Variants in CACNA2D3 observed in about 807,000 individuals in gnomAD.
The protein encoded by CACNA2D3 is calcium voltage-gated channel auxiliary subunit alpha2delta 3.
In CACNA2D3, 60 loss-of-function variants were observed where a neutral mutation model predicts 160.6. That is an observed-to-expected ratio of 0.37 (90% CI 0.30 to 0.46). The LOEUF (loss-of-function observed/expected upper bound fraction) is 0.46, where lower values mean the gene tolerates loss of function less well. CACNA2D3 is among the 20% of genes least tolerant of loss of function. The pLI is 1.00. For synonymous variants in CACNA2D3, 558 were observed against 492.9 expected (o/e 1.13, Z -1.75); for missense variants, 1,205 against 1,365.0 (o/e 0.88, Z 1.85).
chr3:54,670,780 G>C (rs1575415811), intron 11 of CACNA2D3, among the ~76,000 whole-genome samples: 1 of 152,130 alleles, frequency 6.6e-6, no homozygotes, highest in East Asian at 1.9e-4. Flanking sequence ...CACACCCTCA[G>C]CCTGGGGTGT....
chr3:54,703,462 T>A (rs1385863437), intron 11 of CACNA2D3, among the ~76,000 whole-genome samples: 1 of 152,138 alleles, frequency 6.6e-6, no homozygotes, highest in Non-Finnish European at 1.5e-5. Flanking sequence ...CTAGTGTCCC[T>A]ACAATTGGAA....
rs564583170 is a variant in CACNA2D3 at position 54,871,689 on chromosome 3, C to T, written c.1710+67C>T. 4.5e-3 allele frequency: 5,793 copies of T among 1,275,178 alleles called. 25 individuals carry two copies. The highest frequency in any genetic ancestry group is 5.0e-3 in the Non-Finnish European group (4,461 of 887,426). 79.0% of individuals were successfully genotyped at this position (1,275,178 alleles called of 1,614,324 possible). On this transcript the variant is annotated intron_variant, in intron 18 of 37. Transcript: ENST00000474759. Reference sequence around the variant, plus strand: ...TTGTACCCACTTCTGTACCTGGGGGCGATCCCAGGAGTTGGCCAAGAGGCC... The same window carrying T: ...TTGTACCCACTTCTGTACCTGGGGGTGATCCCAGGAGTTGGCCAAGAGGCC...
intron 35 of CACNA2D3, among the ~76,000 whole-genome samples, chr3:55,037,304 A>T (rs1031829806): frequency 6.6e-6 from 1 of 152,204 alleles, no homozygotes; most frequent in Non-Finnish European, 1.5e-5. Flanking sequence ...TGGTTAAAAC[A>T]CAACTGGCTC....
chr3:54,758,618 A>G (rs1308772298), intron 12 of CACNA2D3, among the ~76,000 whole-genome samples: 1 of 152,186 alleles, frequency 6.6e-6, no homozygotes, highest in African/African-American at 2.4e-5. Flanking sequence ...GAGGAAGATG[A>G]CACAGAACAC....
chr3:54,129,799 GC>G (rs1699671559), intron 2 of CACNA2D3, among the ~76,000 whole-genome samples: 1 of 152,192 alleles, frequency 6.6e-6, no homozygotes, highest in African/African-American at 2.4e-5. Context: ...GCCTGCACAT[GC>G]CATTACCGTA....
intron 3 of CACNA2D3, among the ~76,000 whole-genome samples, chr3:54,336,943 G>C (rs142015012): frequency 1.1e-4 from 17 of 152,294 alleles, no homozygotes; most frequent in Non-Finnish European, 2.4e-4. Context: ...GCAAGTGGGG[G>C]AGGGAATAAG....
At chr3:54,868,911 T>A (rs1699463554) in intron 17 of CACNA2D3, among the ~76,000 whole-genome samples, 1 of 152,216 alleles carries the variant, frequency 6.6e-6, no homozygotes. Context: ...TGCCTGGGAA[T>A]GTGTTTGCCA....
Position 54,503,485 on chromosome 3 carries a change from C to T in CACNA2D3, c.382-7C>T, listed in dbSNP as rs1190848654. On this transcript the variant is annotated splice_polypyrimidine_tract_variant and splice_region_variant and intron_variant, in intron 4 of 37. Coordinates refer to ENST00000474759, the MANE Select transcript of CACNA2D3 (RefSeq NM_018398.3). Reference sequence around the variant, plus strand: ...CACATGTAATGTTTTTTGACTTTGTCTTTCAGTATGAATACTTCAATGCTG... The same window carrying T: ...CACATGTAATGTTTTTTGACTTTGTTTTTCAGTATGAATACTTCAATGCTG... 1.2e-6 allele frequency: 2 copies of T among 1,613,368 alleles called. No homozygotes were observed. Among genetic ancestry groups the T allele is most frequent in the Middle Eastern group, 1.6e-4 (1 of 6,078 alleles).
chr3:54,771,505 C>T (rs757141662), intron 13 of CACNA2D3, among the ~76,000 whole-genome samples: 32 of 152,092 alleles, frequency 2.1e-4, no homozygotes, highest in Non-Finnish European at 3.2e-4. Flanking sequence ...GTTCTTTGCC[C>T]GTATAGGACT....
chr3:54,744,173 T>C (rs1701705257), intron 11 of CACNA2D3, among the ~76,000 whole-genome samples: 1 of 152,232 alleles, frequency 6.6e-6, no homozygotes, highest in East Asian at 1.9e-4. Context: ...ATAGCTGATA[T>C]CTGCTCTGCA....
intron 35 of CACNA2D3, among the ~76,000 whole-genome samples, chr3:55,033,724 T>TAAATATATTTTATAAATATATA (rs1559469393): frequency 0.033 from 3,277 of 99,828 alleles, 160 homozygotes; most frequent in Non-Finnish European, 0.052. Context: ...TATTATATAT[T>TAAATATATTTTATAAATATATA]AAATATATTT....
chr3:54,464,373 A>T (rs1304022991), intron 4 of CACNA2D3, among the ~76,000 whole-genome samples: 1 of 152,212 alleles, frequency 6.6e-6, no homozygotes, highest in Non-Finnish European at 1.5e-5. Context: ...CCCTGCCCCC[A>T]GAGGTGGAGC....
chr3:54,228,537 C>G (rs1701714239), intron 2 of CACNA2D3, among the ~76,000 whole-genome samples: 2 of 152,220 alleles, frequency 1.3e-5, no homozygotes, highest in Non-Finnish European at 2.9e-5. Context: ...TGGCCATGGT[C>G]TAGCAGTCAT....
chr3:54,402,675 A>G (rs1699490822), intron 4 of CACNA2D3, among the ~76,000 whole-genome samples: 1 of 152,214 alleles, frequency 6.6e-6, no homozygotes. Flanking sequence ...GCAATACAAT[A>G]ATAGTAAGGG....
At chr3:54,156,400 G>C (rs1700244731) in intron 2 of CACNA2D3, among the ~76,000 whole-genome samples, 1 of 152,162 alleles carries the variant, frequency 6.6e-6, no homozygotes, top group Admixed American at 6.5e-5. Flanking sequence ...CACTGGATGA[G>C]AGCTGCTCCT....
At chr3:54,569,692 T>C in intron 6 of CACNA2D3, 103 bp from the exon 7 acceptor site, 1 of 958,536 alleles carries the variant, frequency 1.0e-6, no homozygotes, top group South Asian at 1.4e-5. Context: ...TTGCATGTGA[T>C]TTTTCACCCT....
intron 4 of CACNA2D3, among the ~76,000 whole-genome samples, chr3:54,427,758 A>G (rs72973136): frequency 0.025 from 3,877 of 152,308 alleles, 175 homozygotes; most frequent in African/African-American, 0.087. Flanking sequence ...TCACAGGTTA[A>G]TAACATCCCC....
At chr3:54,324,280 C>A (rs1028487357) in intron 3 of CACNA2D3, among the ~76,000 whole-genome samples, 2 of 152,186 alleles carry the variant, frequency 1.3e-5, no homozygotes, top group African/African-American at 4.8e-5. Flanking sequence ...TCATCCTCAT[C>A]TCCTATTTGA....
intron 29 of CACNA2D3, among the ~76,000 whole-genome samples, chr3:54,973,656 A>T (rs1575416428): frequency 1.3e-5 from 2 of 152,124 alleles, no homozygotes; most frequent in East Asian, 3.9e-4. Context: ...TGGACTGCCC[A>T]CCTCAGCCAG....
Sources: allele counts gnomAD v4.1 joint callset (sites outside exome capture counted in the v4.1 genomes callset), GRCh38; gene constraint gnomAD v4.1.1; transcripts MANE v1.5; gene names NCBI Gene and HGNC (gene_info 2026-07-23, HGNC 2026-07-21).